The following SBF2 variants were observed in gnomAD, a reference collection of about 807,000 sequenced individuals.
SBF2 encodes SET binding factor 2.
In SBF2, 112 loss-of-function variants were observed where a neutral mutation model predicts 225.2. The observed-to-expected ratio is 0.50, with a 90% CI of 0.43 to 0.58. SBF2 has a LOEUF of 0.58. Ranked by LOEUF, SBF2 falls within the 20% of genes least tolerant of loss-of-function variation. The pLI, the probability that SBF2 is intolerant of heterozygous loss-of-function variation, is 0.00. For synonymous variants in SBF2, 763 were observed against 773.3 expected (o/e 0.99, Z 0.22); for missense variants, 1,996 against 2,206.2 (o/e 0.90, Z 1.91).
At chr11:9,788,052 T>C (rs772199936) in intron 35 of SBF2, 6 of 388,246 alleles carry the variant, frequency 1.5e-5, no homozygotes, top group Non-Finnish European at 2.4e-5. Context: ...GGAAATCTGA[T>C]AGCCAAAGCA....
chr11:9,924,556 C>T (rs1054740153), intron 16 of SBF2, among the ~76,000 whole-genome samples: 9 of 151,984 alleles, frequency 5.9e-5, no homozygotes, highest in Admixed American at 3.3e-4. Context: ...CTCAGCTTCC[C>T]GAGTAGCTGG....
At chr11:9,937,532 A>G (rs184781104) in intron 16 of SBF2, among the ~76,000 whole-genome samples, 8 of 152,306 alleles carry the variant, frequency 5.3e-5, no homozygotes, top group African/African-American at 1.9e-4. Flanking sequence ...CTAAATAACA[A>G]AACACTAACC....
intron 2 of SBF2, among the ~76,000 whole-genome samples, chr11:10,058,807 C>T (rs554813980): frequency 4.6e-5 from 7 of 152,266 alleles, no homozygotes; most frequent in African/African-American, 1.7e-4. Flanking sequence ...TGACAGTAGA[C>T]CATTCAGTTG....
At chr11:10,021,374 C>G (rs1266665679) in intron 6 of SBF2, among the ~76,000 whole-genome samples, 1 of 151,960 alleles carries the variant, frequency 6.6e-6, no homozygotes, top group East Asian at 1.9e-4. Flanking sequence ...ATTAAAAATC[C>G]CAGCATTGTT....
At chr11:9,937,169 G>C (rs1470861331) in intron 16 of SBF2, among the ~76,000 whole-genome samples, 1 of 152,022 alleles carries the variant, frequency 6.6e-6, no homozygotes, top group Non-Finnish European at 1.5e-5. Context: ...AGATTAAAAG[G>C]GTTTGACACA....
At chr11:10,232,184 C>T (rs140873772) in intron 1 of SBF2, among the ~76,000 whole-genome samples, 3,300 of 152,286 alleles carry the variant, frequency 0.022, 91 homozygotes, top group African/African-American at 0.065. Context: ...GGGAGTGACC[C>T]GATTTTCCAG....
chr11:9,967,509 TA>T (rs1565071907), intron 14 of SBF2, among the ~76,000 whole-genome samples: 2 of 152,014 alleles, frequency 1.3e-5, no homozygotes, highest in African/African-American at 4.8e-5. Context: ...ATGTCCAGAA[TA>T]CGTAAAGCTA....
At chr11:9,930,890 C>T (rs912525887) in intron 16 of SBF2, among the ~76,000 whole-genome samples, 1 of 152,222 alleles carries the variant, frequency 6.6e-6, no homozygotes, top group Non-Finnish European at 1.5e-5. Flanking sequence ...CGGGACACTC[C>T]CACCCAAATA....
chr11:10,041,129 G>C (rs1949636209), intron 3 of SBF2, among the ~76,000 whole-genome samples: 2 of 151,982 alleles, frequency 1.3e-5, no homozygotes, highest in Admixed American at 1.3e-4. Context: ...CAAGAATATG[G>C]AAATAACAGA....
chr11:9,916,248 A>G (rs1192279080), intron 16 of SBF2, among the ~76,000 whole-genome samples: 1 of 152,226 alleles, frequency 6.6e-6, no homozygotes, highest in Non-Finnish European at 1.5e-5. Context: ...ATAATAGAAG[A>G]TCAGAGAAAA....
intron 17 of SBF2, among the ~76,000 whole-genome samples, chr11:9,887,283 A>G (rs1241343959): frequency 6.6e-6 from 1 of 152,012 alleles, no homozygotes; most frequent in Non-Finnish European, 1.5e-5. Context: ...TCACTGAAGA[A>G]CACAATAAGT....
At chr11:10,097,887 A>T (rs758779162) in intron 2 of SBF2, among the ~76,000 whole-genome samples, 47 of 152,246 alleles carry the variant, frequency 3.1e-4, no homozygotes, top group South Asian at 8.3e-4. Flanking sequence ...GTCACTGCCT[A>T]AGAGGCCTAC....
chr11:9,817,344 C>T (rs1327236474), intron 28 of SBF2, among the ~76,000 whole-genome samples: 1 of 151,946 alleles, frequency 6.6e-6, no homozygotes, highest in Non-Finnish European at 1.5e-5. Context: ...ATACTGAAAA[C>T]AAAACATGCT....
At chr11:10,113,990 A>C (rs1459056732) in intron 2 of SBF2, among the ~76,000 whole-genome samples, 1 of 151,460 alleles carries the variant, frequency 6.6e-6, no homozygotes, top group African/African-American at 2.4e-5. Context: ...CATTCCTAAT[A>C]TTGTTAGTGT....
At chr11:9,798,967 C>A (rs1003113114) in intron 32 of SBF2, among the ~76,000 whole-genome samples, 19 of 136,978 alleles carry the variant, frequency 1.4e-4, no homozygotes, top group African/African-American at 7.8e-5. Context: ...AAAAAAAAAC[C>A]AAAAAACAAA....
At chr11:9,816,476 GT>G (rs1854464170) in intron 29 of SBF2, among the ~76,000 whole-genome samples, 1 of 152,108 alleles carries the variant, frequency 6.6e-6, no homozygotes, top group African/African-American at 2.4e-5. Flanking sequence ...AAAACTATCT[GT>G]TTTGCCATGG....
At chr11:10,033,588 T>A (rs1417453196) in intron 3 of SBF2, among the ~76,000 whole-genome samples, 1 of 152,104 alleles carries the variant, frequency 6.6e-6, no homozygotes, top group African/African-American at 2.4e-5. Context: ...ATCTCTCCTA[T>A]AAGAATGCAA....
At chr11:10,173,107 G>T (rs796795995) in intron 2 of SBF2, among the ~76,000 whole-genome samples, 4 of 152,348 alleles carry the variant, frequency 2.6e-5, no homozygotes, top group African/African-American at 9.6e-5. Context: ...GAAGATACTT[G>T]ATATTATTTC....
intron 2 of SBF2, among the ~76,000 whole-genome samples, chr11:10,158,196 G>A (rs1331679379): frequency 1.3e-5 from 2 of 152,104 alleles, no homozygotes; most frequent in Admixed American, 6.6e-5. Flanking sequence ...GCAGTTCTAA[G>A]AGGAAAGTTT....
Sources: allele counts gnomAD v4.1 joint callset (sites outside exome capture counted in the v4.1 genomes callset), GRCh38; gene constraint gnomAD v4.1.1; transcripts MANE v1.5; gene names NCBI Gene and HGNC (gene_info 2026-07-23, HGNC 2026-07-21).